The following DCC variants were observed in gnomAD, a reference collection of about 807,000 sequenced individuals.
DCC encodes the protein DCC netrin 1 receptor, also known as netrin receptor DCC.
Under a neutral mutation model 172.5 loss-of-function variants are expected in DCC, and 58 were observed. That is an observed-to-expected ratio of 0.34 (90% CI 0.27 to 0.42). The LOEUF is 0.42. Ranked by LOEUF, DCC falls within the 10% of genes least tolerant of loss-of-function variation. The probability of loss-of-function intolerance (pLI) is 1.00; values close to 1 mark genes in which losing one functional copy is unlikely to be tolerated. For missense variants in DCC, 1,740 were observed against 1,791.0 expected, an observed-to-expected ratio of 0.97 and a Z score of 0.51; for synonymous variants, 709 against 644.5, an observed-to-expected ratio of 1.10 and a Z score of -1.52.
rs183664938 is a variant in DCC at position 52,926,151 on chromosome 18, T to C, written c.985+781T>C. ...AATTTTTCCTCTGGAATAAATCTTT[T>C]TGCCTTTTAAAGAATCTCAGAAAAA... On this transcript the variant is annotated intron_variant, in intron 5 of 28. Coordinates refer to ENST00000442544, the MANE Select transcript of DCC (RefSeq NM_005215.4). 4.2e-3 allele frequency among the ~76,000 whole-genome samples: 632 copies of C among 152,036 alleles called. 8 individuals are homozygous for C. The highest frequency in any genetic ancestry group is 0.014 in the African/African-American group (566 of 41,552).
intron 12 of DCC, among the ~76,000 whole-genome samples, chr18:53,293,831 AAGT>A (rs1046625276): frequency 2.0e-5 from 3 of 152,070 alleles, no homozygotes; most frequent in African/African-American, 7.2e-5. Context: ...ATAACTCAAG[AAGT>A]AGTTTTTTAT....
At chr18:52,990,062 C>T (rs1468155272) in intron 5 of DCC, among the ~76,000 whole-genome samples, 2 of 152,166 alleles carry the variant, frequency 1.3e-5, no homozygotes, top group Non-Finnish European at 2.9e-5. Flanking sequence ...AGGAAAGACA[C>T]TATATTCTCT....
chr18:52,550,343 G>C (rs942095355), intron 1 of DCC, among the ~76,000 whole-genome samples: 5 of 150,606 alleles, frequency 3.3e-5, no homozygotes, highest in African/African-American at 9.9e-5. Context: ...GAACAGAAAA[G>C]AGATTAAAAA....
chr18:52,650,188 A>G (rs2035104540), intron 1 of DCC, among the ~76,000 whole-genome samples: 1 of 152,054 alleles, frequency 6.6e-6, no homozygotes, highest in African/African-American at 2.4e-5. Context: ...CATGTTGGTC[A>G]GGCAGGTCTC....
At chr18:52,848,804 AG>A (rs2038933587) in intron 2 of DCC, among the ~76,000 whole-genome samples, 1 of 152,208 alleles carries the variant, frequency 6.6e-6, no homozygotes, top group Non-Finnish European at 1.5e-5. Flanking sequence ...AGTGATTTTT[AG>A]ACTTTTAATT....
At chr18:52,814,605 C>T (rs1191819675) in intron 2 of DCC, among the ~76,000 whole-genome samples, 1 of 152,128 alleles carries the variant, frequency 6.6e-6, no homozygotes, top group African/African-American at 2.4e-5. Flanking sequence ...AGGCAAAAAA[C>T]ATTTAGTATT....
intron 5 of DCC, among the ~76,000 whole-genome samples, chr18:52,946,558 C>T (rs2040549405): frequency 6.6e-6 from 1 of 152,018 alleles, no homozygotes. Context: ...TCAAGTCTGC[C>T]CTGTGTGCTT....
intron 5 of DCC, among the ~76,000 whole-genome samples, chr18:52,979,395 A>G (rs1219851663): frequency 1.3e-5 from 2 of 152,188 alleles, no homozygotes; most frequent in African/African-American, 4.8e-5. Context: ...ATTCCTCCCT[A>G]TGAAATGAGT....
intron 5 of DCC, among the ~76,000 whole-genome samples, chr18:53,017,969 A>G (rs2041831598): frequency 6.6e-6 from 1 of 152,188 alleles, no homozygotes; most frequent in Non-Finnish European, 1.5e-5. Context: ...AACAGCATTT[A>G]TCAATGCACC....
chr18:52,541,875 G>GTGTATATATATATATATATATA (rs1555695194), intron 1 of DCC, among the ~76,000 whole-genome samples: 4 of 115,186 alleles, frequency 3.5e-5, no homozygotes, highest in African/African-American at 1.3e-4. Flanking sequence ...GTGTGTGTGT[G>GTGTATATATATATATATATATA]TATATATATA....
chr18:52,907,480 G>T (rs911677478), intron 3 of DCC, among the ~76,000 whole-genome samples: 5 of 151,736 alleles, frequency 3.3e-5, no homozygotes, highest in Admixed American at 2.0e-4. Context: ...GCAGTGGTGC[G>T]ATCACAGCTC....
intron 7 of DCC, among the ~76,000 whole-genome samples, chr18:53,128,398 T>C (rs2043596686): frequency 1.3e-5 from 2 of 152,074 alleles, no homozygotes; most frequent in Non-Finnish European, 2.9e-5. Flanking sequence ...TTTTTCCTTC[T>C]AATATTTGAT....
intron 1 of DCC, among the ~76,000 whole-genome samples, chr18:52,716,347 T>C (rs1008458199): frequency 2.0e-5 from 3 of 152,214 alleles, no homozygotes; most frequent in African/African-American, 7.2e-5. Context: ...GAAACTGTCC[T>C]CTTGCTCACT....
chr18:52,396,479 A>G (rs530784771), intron 1 of DCC, among the ~76,000 whole-genome samples: 26 of 152,110 alleles, frequency 1.7e-4, no homozygotes, highest in African/African-American at 5.8e-4. Flanking sequence ...TATGGGGGAA[A>G]CCTAGAGGTT....
intron 2 of DCC, among the ~76,000 whole-genome samples, chr18:52,841,161 G>A (rs533834742): frequency 4.6e-5 from 7 of 152,212 alleles, no homozygotes; most frequent in Admixed American, 1.3e-4. Context: ...CTTTTAAGAA[G>A]AAGAAATAGA....
At chr18:53,063,044 TG>T (rs1448791789) in intron 5 of DCC, among the ~76,000 whole-genome samples, 1 of 152,040 alleles carries the variant, frequency 6.6e-6, no homozygotes, top group African/African-American at 2.4e-5. Flanking sequence ...TTATTATGTA[TG>T]TTTTTTTTTT....
intron 21 of DCC, among the ~76,000 whole-genome samples, chr18:53,427,840 T>TAG: frequency 1.1e-5 from 1 of 93,290 alleles, no homozygotes; most frequent in African/African-American, 3.3e-5. Flanking sequence ...TGATATATAA[T>TAG]ATATATATTT....
chr18:52,610,178 AAT>A (rs1158849717), intron 1 of DCC, among the ~76,000 whole-genome samples: 80 of 14,080 alleles, frequency 5.7e-3, no homozygotes, highest in African/African-American at 6.7e-3. Context: ...AAAAAAAAAA[AAT>A]ATATATATAT....
intron 1 of DCC, among the ~76,000 whole-genome samples, chr18:52,710,859 T>A (rs1046975035): frequency 6.6e-6 from 1 of 152,206 alleles, no homozygotes; most frequent in African/African-American, 2.4e-5. Context: ...GAAATAACTT[T>A]ATTGTATTTC....
Sources: allele counts gnomAD v4.1 joint callset (sites outside exome capture counted in the v4.1 genomes callset), GRCh38; gene constraint gnomAD v4.1.1; transcripts MANE v1.5; gene names NCBI Gene and HGNC (gene_info 2026-07-23, HGNC 2026-07-21).